The following SMOX variants were observed in gnomAD, a reference collection of about 807,000 sequenced individuals.
SMOX encodes the protein flavin containing amine oxidase.
A neutral mutation model predicts 51.0 loss-of-function variants in SMOX; 22 were observed. The ratio of observed to expected loss-of-function variants is 0.43; its 90% CI spans 0.31 to 0.62. The LOEUF is 0.62. Among genes scored for constraint, SMOX ranks in the 20% least tolerant of loss-of-function variants. SMOX has a pLI of 0.10. For synonymous variants in SMOX, 282 were observed against 307.8 expected, an observed-to-expected ratio of 0.92 and a Z score of 0.88; for missense variants, 566 against 777.7, an observed-to-expected ratio of 0.73 and a Z score of 3.24.
rs1985881908 is a variant in SMOX, at chr20:4,153,930, C to CCCCA, written c.-27+4954_-27+4957dup. Among the ~76,000 whole-genome samples the CCCCA allele has an allele frequency of 6.6e-6, 1 of 152,182 alleles. No individual in the cohort carries two copies. Among genetic ancestry groups the CCCCA allele is most frequent in the Admixed American group, 6.5e-5 (1 of 15,284 alleles). Reference sequence around the variant, plus strand: ...TGGTCAGCACCTGGCATCTCCTGTGCCCCAGCCTGGTGTTCAGAGCCTTTG... The same window carrying CCCCA: ...TGGTCAGCACCTGGCATCTCCTGTGCCCCACCCAGCCTGGTGTTCAGAGCCTTTG... On this transcript the variant is annotated intron_variant, in intron 1 of 6. Transcript: ENST00000305958. The surrounding 1 kb of genome is among the most constrained non-coding windows in gnomAD (Gnocchi z 4.4).
At chr20:4,178,684 C>CTTTTT (rs1568744217) in intron 3 of SMOX, among the ~76,000 whole-genome samples, 1 of 88,418 alleles carries the variant, frequency 1.1e-5, no homozygotes. Flanking sequence ...TTCTTTCTTT[C>CTTTTT]TTTCTTTTTT....
At chr20:4,184,917 C>T (rs1358593483) in intron 6 of SMOX, among the ~76,000 whole-genome samples, 1 of 152,216 alleles carries the variant, frequency 6.6e-6, no homozygotes, top group African/African-American at 2.4e-5. Flanking sequence ...GCACCTGGCT[C>T]TCATCTTCAA....
intron 6 of SMOX, among the ~76,000 whole-genome samples, chr20:4,186,501 G>A (rs1282821518): frequency 6.6e-6 from 1 of 152,096 alleles, no homozygotes; most frequent in African/African-American, 2.4e-5. Flanking sequence ...ACTGTCCCCC[G>A]AGCAAGGCCT....
At chr20:4,154,787 G>T (rs1470293674) in intron 1 of SMOX, among the ~76,000 whole-genome samples, 3 of 151,844 alleles carry the variant, frequency 2.0e-5, no homozygotes. Context: ...GGTGGAACAG[G>T]GAACTAACTA....
At chr20:4,154,004 G>A (rs1985885295) in intron 1 of SMOX, among the ~76,000 whole-genome samples, 1 of 152,204 alleles carries the variant, frequency 6.6e-6, no homozygotes, top group Non-Finnish European at 1.5e-5. Flanking sequence ...CGTGAGCCAT[G>A]CCAGGTGTGA....
chr20:4,171,505 A>G (rs1221352696), intron 1 of SMOX, among the ~76,000 whole-genome samples: 3 of 152,072 alleles, frequency 2.0e-5, no homozygotes, highest in Admixed American at 6.5e-5. Flanking sequence ...TGGGCTGTGT[A>G]GGGGGCTCCT....
chr20:4,163,755 G>T (rs1986438201), intron 1 of SMOX, among the ~76,000 whole-genome samples: 1 of 152,114 alleles, frequency 6.6e-6, no homozygotes, highest in South Asian at 2.1e-4. Context: ...TTGATGGGAG[G>T]GCTCAGTTCC....
At position 4,170,931 on chromosome 20, in the gene SMOX, C is replaced by T. The variant is rs1483078677; in HGVS notation, c.-26-4099C>T. Among the ~76,000 whole-genome samples the T allele has an allele frequency of 6.6e-6, 1 of 152,144 alleles. No individual in the cohort carries two copies. Among genetic ancestry groups the T allele is most frequent in the African/African-American group, 2.4e-5 (1 of 41,410 alleles). ...TGCCCTGGCTGGCCTGATTTCTTGG[C>T]ACTCCTAGGCATTGCCTGCTTGGGG... is the stretch of plus-strand genomic sequence containing the variant. On this transcript the variant is annotated intron_variant, in intron 1 of 6. Coordinates refer to ENST00000305958, the MANE Select transcript of SMOX (RefSeq NM_175839.3). This position sits in a 1 kb window ranked among gnomAD's most constrained non-coding sequence, Gnocchi z 4.6.
In SMOX at chr20:4,184,093, C is replaced by T. The variant is rs181619283; in HGVS notation, c.1530+439C>T. Among the ~76,000 whole-genome samples the T allele has an allele frequency of 8.0e-4, 121 of 151,960 alleles. 1 individual carries two copies. Among genetic ancestry groups the T allele is most frequent in the African/African-American group, 2.8e-3 (114 of 41,432 alleles). ...CTCCTGGGCTCAAGTGATCCTCCCACCTCAGCCTCCCAACTAGCTGGGACC... is the reference window on the plus strand; with the variant it reads ...CTCCTGGGCTCAAGTGATCCTCCCATCTCAGCCTCCCAACTAGCTGGGACC... On this transcript the variant is annotated intron_variant, in intron 6 of 6. Coordinates refer to ENST00000305958, the MANE Select transcript of SMOX (RefSeq NM_175839.3).
chr20:4,177,322 C>A lies in SMOX; in HGVS notation c.209-29C>A. On this transcript the variant is annotated intron_variant, in intron 2 of 6. Transcript: ENST00000305958. The surrounding 1 kb of genome is among the most constrained non-coding windows in gnomAD (Gnocchi z 4.3). ...GCCCTCTCTGGAGAAGTCCCTAAGCCTCTAAGGGCCTGCTGTTGTCACCCT... is the reference window on the plus strand; with the variant it reads ...GCCCTCTCTGGAGAAGTCCCTAAGCATCTAAGGGCCTGCTGTTGTCACCCT... The A allele has an allele frequency of 6.5e-7, 1 of 1,543,686 alleles. No homozygotes were observed. The highest frequency in any genetic ancestry group is 8.8e-7 in the Non-Finnish European group (1 of 1,140,012).
intron 1 of SMOX, among the ~76,000 whole-genome samples, chr20:4,158,777 C>T (rs1043122056): frequency 1.3e-5 from 2 of 151,950 alleles, no homozygotes; most frequent in East Asian, 3.9e-4. Flanking sequence ...GTCCTCATAC[C>T]TTCAACTGCT....
At position 4,170,878 on chromosome 20, in the gene SMOX, AT is replaced by A. The variant is rs1986794431; in HGVS notation, c.-26-4150del. Among the ~76,000 whole-genome samples, 1 of 152,054 alleles carries A rather than the reference AT, an allele frequency of 6.6e-6. No individual in the cohort carries two copies. Among genetic ancestry groups the A allele is most frequent in the Non-Finnish European group, 1.5e-5 (1 of 68,024 alleles). Reference sequence around the variant, plus strand: ...CTGGCTGCGTGGTATCTTGGATGAAATTGCCAGGGGACCGGGGGGTGCACTC... The same window carrying A: ...CTGGCTGCGTGGTATCTTGGATGAAATGCCAGGGGACCGGGGGGTGCACTC... On this transcript the variant is annotated intron_variant, in intron 1 of 6. Coordinates refer to ENST00000305958, the MANE Select transcript of SMOX (RefSeq NM_175839.3). The surrounding 1 kb of genome is among the most constrained non-coding windows in gnomAD (Gnocchi z 4.6).
chr20:4,154,952 G>A (rs1370181455), intron 1 of SMOX, among the ~76,000 whole-genome samples: 1 of 152,034 alleles, frequency 6.6e-6, no homozygotes, highest in East Asian at 1.9e-4. Context: ...CTGTGTGAGG[G>A]CCTCTGGGTG....
intron 1 of SMOX, among the ~76,000 whole-genome samples, chr20:4,168,881 CTCTATTTTATTTTATTTTATTTTAT>C (rs1986695195): frequency 6.9e-6 from 1 of 144,638 alleles, no homozygotes; most frequent in Admixed American, 6.8e-5. Context: ...AAAATTAATG[CTCTATTTTATTTTATTTTATTTTAT>C]TTTATTTTAT....
chr20:4,172,743 G>C lies in SMOX; in HGVS notation c.-26-2287G>C, dbSNP rs1978508147. Among the ~76,000 whole-genome samples the C allele has an allele frequency of 6.6e-6, 1 of 150,906 alleles. No individual in the cohort carries two copies. Among genetic ancestry groups the C allele is most frequent in the African/African-American group, 2.4e-5 (1 of 40,928 alleles). The stretch of plus-strand genomic sequence containing the variant: ...CCCTTTTGGGAACCGATTCTGCACG[G>C]AGTTGGCGGGCCTGGGTCTCAGGGG... On this transcript the variant is annotated intron_variant, in intron 1 of 6. Coordinates refer to ENST00000305958, the MANE Select transcript of SMOX (RefSeq NM_175839.3). The surrounding 1 kb of genome is among the most constrained non-coding windows in gnomAD (Gnocchi z 7.7).
rs142519514 is a variant in SMOX at position 4,150,808 on chromosome 20, G to A, written c.-27+1831G>A. On this transcript the variant is annotated intron_variant, in intron 1 of 6. Coordinates refer to ENST00000305958, the MANE Select transcript of SMOX (RefSeq NM_175839.3). ...CCAGGCCTTCCCATCTCAGTGAATCGCCCATCATCTACTCACTTTTTTTTT... is the reference window on the plus strand; with the variant it reads ...CCAGGCCTTCCCATCTCAGTGAATCACCCATCATCTACTCACTTTTTTTTT... 1.4e-3 allele frequency among the ~76,000 whole-genome samples: 196 copies of A among 143,980 alleles called. 1 individual carries two copies. The highest frequency in any genetic ancestry group is 4.8e-3 in the African/African-American group (189 of 39,098). 94.5% of individuals were successfully genotyped at this position (143,980 alleles called of 152,430 possible).
At position 4,167,700 on chromosome 20, in the gene SMOX, C is replaced by T. The variant is rs1036451122; in HGVS notation, c.-26-7330C>T. Among the ~76,000 whole-genome samples, 13 of 152,146 alleles carry T rather than the reference C, an allele frequency of 8.5e-5. No homozygotes were observed. Among genetic ancestry groups the T allele is most frequent in the African/African-American group, 1.7e-4 (7 of 41,420 alleles). Reference sequence around the variant, plus strand: ...TCTGGGCCAGTGTTCTCTCCCTCCTCTTCTGTCTCCTGGGTTCATGAGCTG... The same window carrying T: ...TCTGGGCCAGTGTTCTCTCCCTCCTTTTCTGTCTCCTGGGTTCATGAGCTG... On this transcript the variant is annotated intron_variant, in intron 1 of 6. Coordinates refer to ENST00000305958, the MANE Select transcript of SMOX (RefSeq NM_175839.3). The surrounding 1 kb of genome is among the most constrained non-coding windows in gnomAD (Gnocchi z 4.8).
In SMOX at chr20:4,177,354, A is replaced by C; in HGVS notation, c.212A>C (p.His71Pro). The change falls in exon 3 of 7, where the codon CAC becomes CCC. Residue 71 changes from histidine (H) to proline (P), a missense_variant. His to Pro is a moderately conservative substitution (Grantham distance 77). Coordinates refer to ENST00000305958, the MANE Select transcript of SMOX (RefSeq NM_175839.3). The surrounding 1 kb of genome is among the most constrained non-coding windows in gnomAD (Gnocchi z 4.3). ...GGRVQSVKLG[H>P]ATFELGATWI... Reference sequence around the variant, plus strand: ...GGCCTGCTGTTGTCACCCTCAGGACACGCCACCTTTGAGCTGGGAGCCACC... The same window carrying C: ...GGCCTGCTGTTGTCACCCTCAGGACCCGCCACCTTTGAGCTGGGAGCCACC... The C allele has an allele frequency of 8.4e-6, 13 of 1,551,984 alleles. No individual in the cohort carries two copies. The highest frequency in any genetic ancestry group is 1.1e-5 in the Non-Finnish European group (13 of 1,147,152).
rs879033670 is a variant in SMOX at position 4,153,007 on chromosome 20, G to A, written c.-27+4030G>A. ...CATGCCTCTCAGTTATGTGTCAGCCGAGGGCTTCCTAAGAAGAGGCTTTTC... is the reference window on the plus strand; with the variant it reads ...CATGCCTCTCAGTTATGTGTCAGCCAAGGGCTTCCTAAGAAGAGGCTTTTC... On this transcript the variant is annotated intron_variant, in intron 1 of 6. Transcript: ENST00000305958. This position sits in a 1 kb window ranked among gnomAD's most constrained non-coding sequence, Gnocchi z 4.4. 3.3e-5 allele frequency among the ~76,000 whole-genome samples: 5 copies of A among 152,176 alleles called. No homozygotes were observed. The highest frequency in any genetic ancestry group is 4.1e-4 in the South Asian group (2 of 4,824).
Sources: allele counts gnomAD v4.1 joint callset (sites outside exome capture counted in the v4.1 genomes callset), GRCh38; gene constraint gnomAD v4.1.1; non-coding constraint Gnocchi (gnomAD v3.1); transcripts MANE v1.5; gene names NCBI Gene and HGNC (gene_info 2026-07-23, HGNC 2026-07-21).